The following SYT6 variants were observed in gnomAD, a reference collection of about 807,000 sequenced individuals.
SYT6 encodes synaptotagmin-6.
SYT6 carries 24 observed loss-of-function variants against 38.4 expected under a neutral mutation model. The ratio of observed to expected loss-of-function variants is 0.62; its 90% confidence interval spans 0.45 to 0.88. SYT6 has a LOEUF of 0.88. SYT6 is among the 40% of genes least tolerant of loss of function. The probability of loss-of-function intolerance (pLI) is 0.00; values close to 1 mark genes in which losing one functional copy is unlikely to be tolerated. For synonymous variants in SYT6, 265 were observed against 241.9 expected (o/e 1.10, Z -0.89); for missense variants, 611 against 621.0 (o/e 0.98, Z 0.17).
intron 1 of SYT6, among the ~76,000 whole-genome samples, chr1:114,143,531 CATATAAGTTATATATAACTTAT>C (rs1678987086): frequency 6.9e-6 from 1 of 145,516 alleles, no homozygotes; most frequent in South Asian, 2.2e-4. Flanking sequence ...TGTATATATA[CATATAAGTTATATATAACTTAT>C]GTGCATGTGT....
chr1:114,139,780 G>T lies in SYT6; in HGVS notation c.347C>A (p.Ala116Glu), dbSNP rs754874998. 6.2e-7 allele frequency: 1 copy of T among 1,612,338 alleles called. No homozygotes were observed. The highest frequency in any genetic ancestry group is 1.1e-5 in the South Asian group (1 of 90,826). Residue 116 changes from alanine (A) to glutamate (E), a missense_variant, in exon 2 of 8, where the codon GCG becomes GAG. Ala to Glu is a moderately radical substitution (Grantham distance 107). Coordinates refer to ENST00000610222, the MANE Select transcript of SYT6 (RefSeq NM_001253772.2). ...LQSPSFRGNM[A>E]DKLKDPSTLG... ...GGTGCTGGGGTCCTTCAGCTTGTCC[G>T]CCATGTTGCCTCTGAAGCTGGGGCT...
chr1:114,132,710 G>A, intron 3 of SYT6, among the ~76,000 whole-genome samples: 1 of 152,182 alleles, frequency 6.6e-6, no homozygotes, highest in East Asian at 1.9e-4. Flanking sequence ...CCTGGGAGTG[G>A]TACAGAAGTG....
rs1675209847 is a variant in SYT6 at position 114,090,023 on chromosome 1, T to A, written c.*2111A>T. On this transcript the variant is annotated 3_prime_UTR_variant, in exon 8 of 8. Transcript: ENST00000610222. ...TGCCTAAGGGTTTAACGATGACAGCTGGACATGAATTTTGAGTTCACTTCC... is the reference window on the plus strand; with the variant it reads ...TGCCTAAGGGTTTAACGATGACAGCAGGACATGAATTTTGAGTTCACTTCC... The A allele has an allele frequency of 1.3e-5, 2 of 152,398 alleles. No individual in the cohort carries two copies. Among genetic ancestry groups the A allele is most frequent in the African/African-American group, 4.8e-5 (2 of 41,468 alleles). The allele number at this position is 152,398 out of a possible 1,614,324, so 9.4% of individuals were successfully genotyped here. A position where few individuals can be genotyped will look rare whatever the true frequency, so the allele number is the denominator to read the frequency against.
intron 1 of SYT6, among the ~76,000 whole-genome samples, chr1:114,143,424 A>G (rs1480786485): frequency 3.4e-5 from 5 of 148,772 alleles, no homozygotes; most frequent in Admixed American, 2.7e-4. Context: ...GTATATATAC[A>G]TATATAGTAT....
rs747391949 is a variant in SYT6, at chr1:114,153,760, A to T, written c.13T>A (p.Trp5Arg). Residue 5 changes from tryptophan to arginine, a missense_variant, in exon 1 of 8, where the codon TGG becomes AGG. Transcript: ENST00000610222. MSGV[W>R]GAGGPRCQEA... ...TGGCACCGAGGCCCGCCGGCCCCCC[A>T]CACTCCGCTCATGCCCTAGACACCC... 1 of 680,948 alleles carries T rather than the reference A, an allele frequency of 1.5e-6. No homozygotes were observed. Among genetic ancestry groups the T allele is most frequent in the South Asian group, 1.5e-5 (1 of 66,048 alleles). The allele number at this position is 680,948 out of a possible 1,614,324, so 42.2% of individuals were successfully genotyped here.
intron 3 of SYT6, 37 bp from the exon 4 acceptor site, chr1:114,103,758 T>C (rs1174887306): frequency 6.2e-7 from 1 of 1,601,306 alleles, no homozygotes; most frequent in Non-Finnish European, 8.5e-7. Context: ...ATGAGGGGCT[T>C]GCAGACCATG....
At chr1:114,116,506 C>T (rs1258723816) in intron 3 of SYT6, among the ~76,000 whole-genome samples, 1 of 152,222 alleles carries the variant, frequency 6.6e-6, no homozygotes, top group Non-Finnish European at 1.5e-5. Flanking sequence ...TTATATTCCT[C>T]ACTGTTATTT....
rs925369930 is a variant in SYT6 at position 114,126,244 on chromosome 1, G to A, written c.1071+11251C>T. On this transcript the variant is annotated intron_variant, in intron 3 of 7. Transcript: ENST00000610222. ...GAGGAGGTTGAGCCAGGTCATCTCC[G>A]AGGCTCTTTCTAGCTCTGACCACCC... Among the ~76,000 whole-genome samples the A allele has an allele frequency of 5.3e-5, 8 of 152,242 alleles. No individual in the cohort carries two copies. The East Asian group carries it at 9.6e-4, about 18-fold the overall frequency.
rs78377200 is a variant in SYT6 at position 114,099,213 on chromosome 1, C to T, written c.1245G>A (p.Lys415=). The T allele has an allele frequency of 1.9e-6, 3 of 1,613,834 alleles. No individual in the cohort carries two copies. Among genetic ancestry groups the T allele is most frequent in the Non-Finnish European group, 2.5e-6 (3 of 1,179,806 alleles). The change falls in exon 5 of 8, where the codon AAG becomes AAA. Residue 415 remains lysine, a synonymous_variant. Transcript: ENST00000610222. ...LLCDGRRLKK[K]KTTIKKNTLN... ...GAGTGTTTTTCTTTATGGTTGTTTT[C>T]TTCTTCTTCAGCCTCCGCCCATCAC...
At chr1:114,117,906 A>G (rs1214862235) in intron 3 of SYT6, among the ~76,000 whole-genome samples, 1 of 152,218 alleles carries the variant, frequency 6.6e-6, no homozygotes, top group Non-Finnish European at 1.5e-5. Context: ...GTGAAGCCCA[A>G]TGAGTGTATG....
intron 3 of SYT6, among the ~76,000 whole-genome samples, chr1:114,110,820 T>C (rs1249823734): frequency 6.6e-6 from 1 of 152,120 alleles, no homozygotes; most frequent in Non-Finnish European, 1.5e-5. Flanking sequence ...GCCTGCACCA[T>C]CTCTGCCAGA....
At chr1:114,123,018 C>A (rs1677514686) in intron 3 of SYT6, among the ~76,000 whole-genome samples, 1 of 152,206 alleles carries the variant, frequency 6.6e-6, no homozygotes, top group East Asian at 1.9e-4. Context: ...GCACTCTGAG[C>A]TTGGCTGTTC....
chr1:114,134,923 C>T (rs505331), intron 3 of SYT6, among the ~76,000 whole-genome samples: 2,616 of 152,204 alleles, frequency 0.017, 77 homozygotes, highest in African/African-American at 0.06. Context: ...GTCTCCTTGG[C>T]CCCCAAATAA....
intron 3 of SYT6, among the ~76,000 whole-genome samples, chr1:114,106,679 C>T (rs189746599): frequency 3.1e-4 from 47 of 152,194 alleles, no homozygotes; most frequent in Middle Eastern, 3.4e-3. Context: ...CTCCTCTTTG[C>T]TTGGATACTC....
At position 114,092,010 on chromosome 1, in the gene SYT6, C is replaced by T; in HGVS notation, c.*124G>A. Reference sequence around the variant, plus strand: ...CCATTTGTGTTATTTGGCTGCACATCTCATGGTGTTGGAGGTGGTTTCGGA... The same window carrying T: ...CCATTTGTGTTATTTGGCTGCACATTTCATGGTGTTGGAGGTGGTTTCGGA... On this transcript the variant is annotated 3_prime_UTR_variant, in exon 8 of 8. Transcript: ENST00000610222. 4 of 1,536,276 alleles carry T rather than the reference C, an allele frequency of 2.6e-6. No homozygotes were observed. Among genetic ancestry groups the T allele is most frequent in the Non-Finnish European group, 3.5e-6 (4 of 1,146,906 alleles).
At chr1:114,117,521 C>T (rs1020327467) in intron 3 of SYT6, among the ~76,000 whole-genome samples, 35 of 152,258 alleles carry the variant, frequency 2.3e-4, no homozygotes, top group African/African-American at 7.7e-4. Context: ...AGGGTGGGAA[C>T]GACACATCTT....
intron 3 of SYT6, among the ~76,000 whole-genome samples, chr1:114,111,732 G>GAGA (rs1465330108): frequency 0.012 from 730 of 61,786 alleles, 2 homozygotes; most frequent in Middle Eastern, 0.054. Context: ...CTTCCGAGAG[G>GAGA]AACCCGGCAG....
chr1:114,123,606 C>T (rs1486905145), intron 3 of SYT6, among the ~76,000 whole-genome samples: 1 of 152,186 alleles, frequency 6.6e-6, no homozygotes, highest in Non-Finnish European at 1.5e-5. Flanking sequence ...GCACATTCTC[C>T]GTCTTTCCTT....
chr1:114,148,395 C>G (rs529162375), intron 1 of SYT6, among the ~76,000 whole-genome samples: 1 of 152,308 alleles, frequency 6.6e-6, no homozygotes, highest in South Asian at 2.1e-4. Flanking sequence ...AAGAAAGAAC[C>G]ATTTTCCCTA....
Sources: gnomAD v4.1 joint callset for allele counts (sites outside exome capture counted in the v4.1 genomes callset) on GRCh38, gnomAD v4.1.1 for gene constraint, MANE v1.5 for transcripts, NCBI Gene and HGNC (gene_info 2026-07-23, HGNC 2026-07-21) for gene names.